The following FCRL5 variants were observed in gnomAD, a reference collection of about 807,000 sequenced individuals.
FCRL5 encodes the protein Fc receptor-like protein 5.
In FCRL5, 79 loss-of-function variants were observed where a neutral mutation model predicts 92.1. The ratio of observed to expected loss-of-function variants is 0.86; its 90% CI spans 0.72 to 1.03. FCRL5 has a LOEUF of 1.03. FCRL5 is among the 50% of genes least tolerant of loss of function. The probability of loss-of-function intolerance (pLI) is 0.00; values close to 1 mark genes in which losing one functional copy is unlikely to be tolerated. For synonymous variants in FCRL5, 466 were observed against 469.3 expected (o/e 0.99, Z 0.09); for missense variants, 1,160 against 1,181.1 (o/e 0.98, Z 0.26).
chr1:157,552,306 G>C (rs761981609), intron 1 of FCRL5, 26 bp downstream of exon 1: 1 of 1,613,306 alleles, frequency 6.2e-7, no homozygotes, highest in East Asian at 2.2e-5. Context: ...TCCCACCCAG[G>C]GCCCATGGTG....
At chr1:157,518,330 C>T (rs1650020805) in intron 15 of FCRL5, 99 bp downstream of exon 15, 2 of 1,036,270 alleles carry the variant, frequency 1.9e-6, no homozygotes, top group East Asian at 2.4e-5. Flanking sequence ...GGAGGGGCGG[C>T]TCTATGCCTG....
chr1:157,548,513 G>C (rs1279976181), intron 2 of FCRL5, among the ~76,000 whole-genome samples: 1 of 152,174 alleles, frequency 6.6e-6, no homozygotes, highest in East Asian at 1.9e-4. Flanking sequence ...CAGAATGGGA[G>C]AAAAGTTTTG....
At chr1:157,525,764 A>C (rs1450612477) in intron 9 of FCRL5, among the ~76,000 whole-genome samples, 2 of 152,158 alleles carry the variant, frequency 1.3e-5, no homozygotes, top group Admixed American at 6.5e-5. Context: ...TGAGGAAGAG[A>C]AATGTTGAGG....
intron 1 of FCRL5, among the ~76,000 whole-genome samples, 166 bp from the exon 2 acceptor site, chr1:157,549,746 A>ATATATATACATATATATATGGCATGGTAT (rs1196212627): frequency 3.5e-4 from 53 of 152,188 alleles, no homozygotes; most frequent in Non-Finnish European, 6.5e-4. Context: ...ATAAATATAC[A>ATATATATACATATATATATGGCATGGTAT]TATATATACA....
intron 8 of FCRL5, 122 bp from the exon 9 acceptor site, chr1:157,528,017 A>T: frequency 8.5e-7 from 1 of 1,182,160 alleles, no homozygotes; most frequent in Non-Finnish European, 1.2e-6. Context: ...AAAGAGGAAG[A>T]AGTCAAATTG....
chr1:157,540,542 A>G (rs1283012351), intron 6 of FCRL5, among the ~76,000 whole-genome samples: 1 of 151,468 alleles, frequency 6.6e-6, no homozygotes, highest in African/African-American at 2.4e-5. Context: ...AAAAAAAACC[A>G]TCAGACAATA....
chr1:157,539,914 C>A (rs1185829463), intron 6 of FCRL5, among the ~76,000 whole-genome samples: 1 of 152,192 alleles, frequency 6.6e-6, no homozygotes, highest in Non-Finnish European at 1.5e-5. Flanking sequence ...AAAAAAATTT[C>A]TTCCTTTTTC....
chr1:157,542,941 T>C lies in FCRL5; in HGVS notation c.1041A>G (p.Thr347=). ...RGASISFSLT[T]ENSGNYYCTA... ...TGCAGTAGTAGTTCCCTGAATTCTCTGTAGTCAGTGAGAAGCTGATGGATG... is the reference window on the plus strand; with the variant it reads ...TGCAGTAGTAGTTCCCTGAATTCTCCGTAGTCAGTGAGAAGCTGATGGATG... The change falls in exon 6 of 17, where the codon ACA becomes ACG. Residue 347 remains threonine (T), a synonymous_variant. Coordinates refer to ENST00000361835, the MANE Select transcript of FCRL5 (RefSeq NM_031281.3). The C allele has an allele frequency of 6.2e-7, 1 of 1,614,222 alleles. No individual in the cohort carries two copies. Among genetic ancestry groups the C allele is most frequent in the Non-Finnish European group, 8.5e-7 (1 of 1,180,032 alleles).
rs1194540594 is a variant in FCRL5 at position 157,546,948 on chromosome 1, G to A, written c.302C>T (p.Ser101Phe). 17 of 1,611,698 alleles carry A rather than the reference G, an allele frequency of 1.1e-5. No individual in the cohort carries two copies. The highest frequency in any genetic ancestry group is 1.4e-5 in the Non-Finnish European group (16 of 1,178,538). Residue 101 changes from serine (S) to phenylalanine (F), a missense_variant, in exon 3 of 17, where the codon TCT (serine) becomes TTT (phenylalanine). Ser to Phe is a radical substitution (Grantham distance 155, BLOSUM62 -2). Transcript: ENST00000361835. ...CGTCTTTCACGCTCTCTCACCTGAA[G>A]AAAAATCCAAGTGCACAGGGCTACT... is the stretch of plus-strand genomic sequence containing the variant. ...PLSSPVHLDF[S>F]SASLILQAPL...
intron 6 of FCRL5, 41 bp downstream of exon 6, chr1:157,542,818 C>A (rs754909040): frequency 1.9e-6 from 3 of 1,588,686 alleles, no homozygotes; most frequent in Non-Finnish European, 2.6e-6. Flanking sequence ...AGGCAGGACT[C>A]TTGGCCAGGG....
At chr1:157,541,884 C>T (rs1651279725) in intron 6 of FCRL5, 1 of 152,264 alleles carries the variant, frequency 6.6e-6, no homozygotes, top group Non-Finnish European at 1.5e-5. Context: ...CTTTAAACAT[C>T]TCTGAGCATG....
In FCRL5 at chr1:157,513,664, A is replaced by C. The variant is rs12083659; in HGVS notation, c.*2011T>G. On this transcript the variant is annotated 3_prime_UTR_variant, in exon 17 of 17. Coordinates refer to ENST00000361835, the MANE Select transcript of FCRL5 (RefSeq NM_031281.3). The stretch of plus-strand genomic sequence containing the variant: ...AACAGACTGGACGGGGTCCACCCAC[A>C]TTAGGGTGGAGTTTGTTCTGCCACT... 1.3e-5 allele frequency: 2 copies of C among 152,130 alleles called. No homozygotes were observed. Among genetic ancestry groups the C allele is most frequent in the African/African-American group, 4.8e-5 (2 of 41,406 alleles). The allele number at this position is 152,130 out of a possible 1,614,324, so 9.4% of individuals were successfully genotyped here.
chr1:157,523,196 A>G (rs753035611), intron 10 of FCRL5, among the ~76,000 whole-genome samples: 15 of 152,214 alleles, frequency 9.9e-5, no homozygotes, highest in Non-Finnish European at 1.6e-4. Flanking sequence ...TAAGAGCATC[A>G]GTGTATATTT....
chr1:157,542,999 A>G lies in FCRL5; in HGVS notation c.983T>C (p.Leu328Pro). ...TTCACAGCGGACTGACTTGTGCCTC[A>G]GGGGGACACCCTCATGATAAAACCT... is the stretch of plus-strand genomic sequence containing the variant. ...LYRFYHEGVP[L>P]RHKSVRCERG... The change falls in exon 6 of 17, where the codon CTG becomes CCG. Residue 328 changes from leucine (L) to proline (P), a missense_variant. By Grantham distance (98) the Leu-to-Pro change is moderately conservative. Transcript: ENST00000361835. 6.2e-7 allele frequency: 1 copy of G among 1,614,244 alleles called. No homozygotes were observed. The highest frequency in any genetic ancestry group is 1.1e-5 in the South Asian group (1 of 91,088).
chr1:157,515,618 C>T lies in FCRL5; in HGVS notation c.*57G>A, dbSNP rs1300387463. On this transcript the variant is annotated 3_prime_UTR_variant, in exon 17 of 17. Coordinates refer to ENST00000361835, the MANE Select transcript of FCRL5 (RefSeq NM_031281.3). ...CTTCCCACTTCAATGCTGCTTCTCC[C>T]CCAAGGGGAACTTTGGGGTGCAGAG... 6.2e-7 allele frequency: 1 copy of T among 1,613,980 alleles called. No homozygotes were observed. The highest frequency in any genetic ancestry group is 8.5e-7 in the Non-Finnish European group (1 of 1,180,026).
rs1650160302 is a variant in FCRL5 at position 157,521,005 on chromosome 1, C to T, written c.2515+12G>A. The T allele has an allele frequency of 1.3e-6, 2 of 1,589,860 alleles. No individual in the cohort carries two copies. The highest frequency in any genetic ancestry group is 8.6e-7 in the Non-Finnish European group (1 of 1,168,216). Reference sequence around the variant, plus strand: ...TTTGTCCGCATCTGTGGCCCGGGCACGGGAAACTTACCTGTGATATAAAGT... The same window carrying T: ...TTTGTCCGCATCTGTGGCCCGGGCATGGGAAACTTACCTGTGATATAAAGT... On this transcript the variant is annotated intron_variant, in intron 11 of 16. Transcript: ENST00000361835.
intron 7 of FCRL5, among the ~76,000 whole-genome samples, chr1:157,538,792 G>T (rs1280583231): frequency 6.6e-6 from 1 of 152,228 alleles, no homozygotes; most frequent in Non-Finnish European, 1.5e-5. Context: ...GCATCTGGCA[G>T]ATCTACAGGA....
At position 157,544,491 on chromosome 1, in the gene FCRL5, G is replaced by A. The variant is rs1053868086; in HGVS notation, c.615C>T (p.Asn205=). 1.3e-5 allele frequency: 21 copies of A among 1,614,068 alleles called. No individual in the cohort carries two copies. Among genetic ancestry groups the A allele is most frequent in the Non-Finnish European group, 1.8e-5 (21 of 1,180,036 alleles). ...GGGTCTCACAGGTCAGGGTCACTGG[G>A]TTCCCGCTGATGGGCTGGAAGGAGC... ...RASSFQPISG[N]PVTLTCETQL... is the part of the protein sequence containing the mutation. The change falls in exon 5 of 17, where the codon AAC becomes AAT. Residue 205 remains asparagine, a synonymous_variant. Transcript: ENST00000361835.
chr1:157,515,388 A>G lies in FCRL5; in HGVS notation c.*287T>C. 1 of 487,248 alleles carries G rather than the reference A, an allele frequency of 2.1e-6. No homozygotes were observed. The highest frequency in any genetic ancestry group is 3.7e-6 in the Non-Finnish European group (1 of 268,992). 30.2% of individuals were successfully genotyped at this position (487,248 alleles called of 1,614,324 possible). Reference sequence around the variant, plus strand: ...TGATGAGAGCAGTACTCAGAACAGCAACCACAGCTGAAGCCCACTAAGGAA... The same window carrying G: ...TGATGAGAGCAGTACTCAGAACAGCGACCACAGCTGAAGCCCACTAAGGAA... On this transcript the variant is annotated 3_prime_UTR_variant, in exon 17 of 17. Transcript: ENST00000361835.
Sources: allele counts gnomAD v4.1 joint callset (sites outside exome capture counted in the v4.1 genomes callset), GRCh38; gene constraint gnomAD v4.1.1; transcripts MANE v1.5; gene names NCBI Gene and HGNC (gene_info 2026-07-23, HGNC 2026-07-21).